Variants in CLYBL observed in about 807,000 individuals in gnomAD.
The protein encoded by CLYBL is citramalyl-CoA lyase, also known as citramalyl-CoA lyase, mitochondrial.
A neutral mutation model predicts 38.9 loss-of-function variants in CLYBL; 31 were observed. The ratio of observed to expected loss-of-function variants is 0.80; its 90% CI spans 0.60 to 1.08. The LOEUF is 1.08. Among genes scored for constraint, CLYBL ranks in the 50% least tolerant of loss-of-function variants. The pLI, the probability that CLYBL is intolerant of heterozygous loss-of-function variation, is 0.00. For missense variants in CLYBL, 434 were observed against 411.6 expected, an observed-to-expected ratio of 1.05 and a Z score of -0.47; for synonymous variants, 171 against 158.6, an observed-to-expected ratio of 1.08 and a Z score of -0.59.
chr13:99,762,289 C>T (rs564362709), intron 1 of CLYBL, among the ~76,000 whole-genome samples: 1 of 152,118 alleles, frequency 6.6e-6, no homozygotes, highest in African/African-American at 2.4e-5. Flanking sequence ...CTAGTAGTTT[C>T]AAAGTTTCAG....
chr13:99,642,659 C>T (rs1394535334), intron 1 of CLYBL, among the ~76,000 whole-genome samples: 1 of 152,080 alleles, frequency 6.6e-6, no homozygotes, highest in East Asian at 1.9e-4. Context: ...TTCAGGTGAT[C>T]CTTCTGCCTC....
chr13:99,791,858 T>G (rs1255445434), intron 2 of CLYBL, among the ~76,000 whole-genome samples: 2 of 152,156 alleles, frequency 1.3e-5, no homozygotes, highest in South Asian at 4.1e-4. Context: ...TACCTTAGAG[T>G]CCTGACTCTC....
At chr13:99,681,916 A>G (rs569793071) in intron 1 of CLYBL, among the ~76,000 whole-genome samples, 1 of 152,250 alleles carries the variant, frequency 6.6e-6, no homozygotes, top group Non-Finnish European at 1.5e-5. Context: ...GTTTCAGATT[A>G]CAGTCATGTG....
chr13:99,643,965 A>G (rs987437494), intron 1 of CLYBL, among the ~76,000 whole-genome samples: 3 of 144,600 alleles, frequency 2.1e-5, no homozygotes, highest in African/African-American at 7.7e-5. Context: ...AGACTGCGCC[A>G]TTGCACTCCA....
rs2047815246 is a variant in CLYBL at position 99,686,176 on chromosome 13, G to A, written c.62+79419G>A. On this transcript the variant is annotated intron_variant, in intron 1 of 8. Transcript: ENST00000339105. ...CTGTTTCAGGGACACTCTGAGCTAA[G>A]AAAAGGGTGAGAGCCCTGGGAGGAG... 2.6e-5 allele frequency among the ~76,000 whole-genome samples: 4 copies of A among 152,146 alleles called. No individual in the cohort carries two copies. The South Asian group carries it at 8.3e-4, about 32-fold the overall frequency.
downstream of CLYBL, among the ~76,000 whole-genome samples, chr13:99,898,668 G>A (rs1233959842): frequency 6.6e-6 from 1 of 152,070 alleles, no homozygotes; most frequent in African/African-American, 2.4e-5. Context: ...GATCTTTTCC[G>A]AAGCCTTTGC....
rs76287112 is a variant in CLYBL, at chr13:99,832,255, C to T, written c.250-26606C>T. Among the ~76,000 whole-genome samples the T allele has an allele frequency of 5.6e-3, 852 of 152,348 alleles. 10 individuals are homozygous for T. Among genetic ancestry groups the T allele is most frequent in the African/African-American group, 0.019 (801 of 41,590 alleles). On this transcript the variant is annotated intron_variant, in intron 2 of 8. Coordinates refer to ENST00000339105, the MANE Select transcript of CLYBL (RefSeq NM_206808.5). The stretch of plus-strand genomic sequence containing the variant: ...GAAAACAATTATCCTGTAGTGGTCT[C>T]GGTTCTTCCTGGCAGCTTTGCATTT...
chr13:99,750,798 A>C (rs2139635003), intron 1 of CLYBL, among the ~76,000 whole-genome samples: 1 of 151,924 alleles, frequency 6.6e-6, no homozygotes, highest in East Asian at 1.9e-4. Flanking sequence ...GAAATTGTGG[A>C]GACAATTTCC....
intron 1 of CLYBL, among the ~76,000 whole-genome samples, chr13:99,640,764 C>T (rs1168493022): frequency 6.6e-6 from 1 of 152,206 alleles, no homozygotes; most frequent in Admixed American, 6.5e-5. Flanking sequence ...ACTTCATGGG[C>T]AGTGCCCCTG....
At chr13:99,795,471 T>G (rs533344103) in intron 2 of CLYBL, among the ~76,000 whole-genome samples, 1 of 151,798 alleles carries the variant, frequency 6.6e-6, no homozygotes, top group Admixed American at 6.6e-5. Flanking sequence ...CTGGGCAACA[T>G]AGTGAGATCC....
At chr13:99,662,361 G>A (rs1270492128) in intron 1 of CLYBL, among the ~76,000 whole-genome samples, 1 of 152,102 alleles carries the variant, frequency 6.6e-6, no homozygotes, top group Non-Finnish European at 1.5e-5. Flanking sequence ...ATTCTCTTGA[G>A]CCAAAATAGA....
chr13:99,833,750 C>T (rs9582348), intron 2 of CLYBL, among the ~76,000 whole-genome samples: 6,544 of 128,032 alleles, frequency 0.051, 348 homozygotes, highest in African/African-American at 0.13. Flanking sequence ...AGTGCAGTGG[C>T]GCAATCTCGG....
chr13:99,845,988 C>A, intron 2 of CLYBL, among the ~76,000 whole-genome samples: 1 of 141,262 alleles, frequency 7.1e-6, no homozygotes, highest in African/African-American at 2.6e-5. Context: ...AAAAACAAAG[C>A]CATTTTTCAG....
intron 1 of CLYBL, among the ~76,000 whole-genome samples, chr13:99,704,380 G>A (rs1030193449): frequency 2.0e-5 from 3 of 152,100 alleles, no homozygotes; most frequent in African/African-American, 7.2e-5. Context: ...CCAGTTATAC[G>A]GATGTCCTCA....
At chr13:99,803,135 T>A (rs2050168280) in intron 2 of CLYBL, among the ~76,000 whole-genome samples, 1 of 152,150 alleles carries the variant, frequency 6.6e-6, no homozygotes, top group African/African-American at 2.4e-5. Flanking sequence ...AATTCAGCCC[T>A]CCTTGCCAGC....
intron 1 of CLYBL, among the ~76,000 whole-genome samples, chr13:99,749,051 G>A (rs1347966141): frequency 1.3e-5 from 2 of 151,904 alleles, no homozygotes; most frequent in Non-Finnish European, 2.9e-5. Context: ...GGTGTCTGGT[G>A]CACCTGTAGT....
intron 7 of CLYBL, among the ~76,000 whole-genome samples, chr13:99,872,525 C>T (rs900102232): frequency 1.3e-5 from 2 of 152,166 alleles, no homozygotes; most frequent in Admixed American, 6.5e-5. Flanking sequence ...ATACCCACAC[C>T]GAATGCTCTA....
At chr13:99,741,625 C>T (rs375097063) in intron 1 of CLYBL, among the ~76,000 whole-genome samples, 3 of 152,230 alleles carry the variant, frequency 2.0e-5, no homozygotes, top group Non-Finnish European at 4.4e-5. Flanking sequence ...GATCTCAGCT[C>T]ACTGCACTCT....
chr13:99,905,335 G>A (rs768530249), exon 9 of CLYBL, among the ~76,000 whole-genome samples: 1 of 152,128 alleles, frequency 6.6e-6, no homozygotes, highest in Non-Finnish European at 1.5e-5. Flanking sequence ...CATACATGGC[G>A]ACCTGTGTCA....
Sources: gnomAD v4.1 joint callset for allele counts (sites outside exome capture counted in the v4.1 genomes callset) on GRCh38, gnomAD v4.1.1 for gene constraint, MANE v1.5 for transcripts, NCBI Gene and HGNC (gene_info 2026-07-23, HGNC 2026-07-21) for gene names.